The following PPP2R2B variants were observed in gnomAD, a reference collection of about 807,000 sequenced individuals.
The protein encoded by PPP2R2B is serine/threonine-protein phosphatase 2A 55 kDa regulatory subunit B beta isoform.
Under a neutral mutation model 46.0 loss-of-function variants are expected in PPP2R2B, and 5 were observed. The observed-to-expected ratio is 0.11, with a 90% confidence interval of 0.06 to 0.23. The LOEUF (loss-of-function observed/expected upper bound fraction) is 0.23, where lower values mean the gene tolerates loss of function less well. PPP2R2B is among the 10% of genes least tolerant of loss of function. PPP2R2B has a pLI of 1.00. For synonymous variants in PPP2R2B, 215 were observed against 206.7 expected (o/e 1.04, Z -0.34); for missense variants, 367 against 575.0 (o/e 0.64, Z 3.70).
intron 2 of PPP2R2B, among the ~76,000 whole-genome samples, chr5:146,812,578 T>TATATAC (rs1274989920): frequency 4.2e-5 from 1 of 24,020 alleles, no homozygotes; most frequent in African/African-American, 1.3e-4. Flanking sequence ...TATATATATA[T>TATATAC]ATATATATAT....
intron 1 of PPP2R2B, among the ~76,000 whole-genome samples, chr5:146,934,531 A>G (rs2151824475): frequency 6.9e-6 from 1 of 145,834 alleles, no homozygotes; most frequent in African/African-American, 2.5e-5. Context: ...ATGGGGTTGG[A>G]CAAACGGAAG....
rs1770374351 is a variant in PPP2R2B, at chr5:146,589,446, A to AAAT, written c.*498_*500dup. On this transcript the variant is annotated 3_prime_UTR_variant, in exon 10 of 10. Coordinates refer to ENST00000394411, the MANE Select transcript of PPP2R2B (RefSeq NM_181675.4). ...AAAGGAAAATGGAAAATGGAAAAAA[A>AAAT]AATGGTGGAGGGGCAGGAGATACTG... 6.5e-6 allele frequency: 1 copy of AAAT among 153,796 alleles called. No homozygotes were observed. Among genetic ancestry groups the AAAT allele is most frequent in the African/African-American group, 2.4e-5 (1 of 41,478 alleles). The allele number at this position is 153,796 out of a possible 1,614,324, so 9.5% of individuals were successfully genotyped here.
chr5:146,975,306 T>C (rs1352835081), intron 1 of PPP2R2B, among the ~76,000 whole-genome samples: 1 of 152,238 alleles, frequency 6.6e-6, no homozygotes. Context: ...ATTTTCAAGA[T>C]CCATCCATGT....
At chr5:146,734,719 T>A (rs17105319) in intron 2 of PPP2R2B, among the ~76,000 whole-genome samples, 10 of 152,082 alleles carry the variant, frequency 6.6e-5, no homozygotes, top group African/African-American at 2.4e-4. Context: ...TCAAATTGGA[T>A]AAAATCAATG....
At chr5:146,692,888 A>C (rs56361052) in intron 4 of PPP2R2B, among the ~76,000 whole-genome samples, 34,444 of 152,078 alleles carry the variant, frequency 0.23, 4,803 homozygotes, top group African/African-American at 0.4. Context: ...TCTGCTGGCC[A>C]CATGCTTTGG....
intron 2 of PPP2R2B, among the ~76,000 whole-genome samples, chr5:146,852,930 T>G (rs1760437395): frequency 6.6e-6 from 1 of 152,126 alleles, no homozygotes; most frequent in South Asian, 2.1e-4. Context: ...ATTAGAGCTT[T>G]GGATTATCAG....
chr5:146,636,405 T>G (rs416794), intron 7 of PPP2R2B, among the ~76,000 whole-genome samples: 31,447 of 152,050 alleles, frequency 0.21, 4,709 homozygotes, highest in African/African-American at 0.42. Flanking sequence ...TTTATATGGG[T>G]TAAAATGTAA....
In PPP2R2B at chr5:146,839,028, G is replaced by A. The variant is rs377133436; in HGVS notation, c.70+38974C>T. Reference sequence around the variant, plus strand: ...TGATAGGCTGAACACTAGAAAATTCGTCCACATACTGATTTCCAACCTTCC... The same window carrying A: ...TGATAGGCTGAACACTAGAAAATTCATCCACATACTGATTTCCAACCTTCC... On this transcript the variant is annotated intron_variant, in intron 2 of 9. Coordinates refer to ENST00000394411, the MANE Select transcript of PPP2R2B (RefSeq NM_181675.4). 1.8e-4 allele frequency among the ~76,000 whole-genome samples: 27 copies of A among 152,270 alleles called. No homozygotes were observed. In the South Asian group the frequency reaches 1.9e-3, roughly 11 times the overall value.
chr5:146,835,403 G>C (rs912888536), intron 2 of PPP2R2B, among the ~76,000 whole-genome samples: 18 of 152,136 alleles, frequency 1.2e-4, no homozygotes, highest in African/African-American at 4.1e-4. Flanking sequence ...AGGAAGCATA[G>C]AGCCCACTTC....
chr5:146,782,407 A>G (rs1381418545), intron 2 of PPP2R2B, among the ~76,000 whole-genome samples: 1 of 152,112 alleles, frequency 6.6e-6, no homozygotes, highest in Non-Finnish European at 1.5e-5. Flanking sequence ...AATCCAGGAA[A>G]CTCAGCATCT....
At chr5:146,915,808 T>C (rs1763366331) in intron 1 of PPP2R2B, among the ~76,000 whole-genome samples, 2 of 152,180 alleles carry the variant, frequency 1.3e-5, no homozygotes, top group Non-Finnish European at 2.9e-5. Context: ...TGCCTCCTCC[T>C]TGCTAATATT....
chr5:146,606,847 G>C (rs932868985), intron 7 of PPP2R2B: 14 of 152,232 alleles, frequency 9.2e-5, no homozygotes, highest in African/African-American at 3.4e-4. Context: ...GGGCAGATGA[G>C]AGTGAGTGTA....
intron 1 of PPP2R2B, among the ~76,000 whole-genome samples, chr5:147,004,578 A>G (rs890184490): frequency 1.1e-4 from 17 of 152,158 alleles, no homozygotes; most frequent in Non-Finnish European, 2.4e-4. Context: ...CTCTTTTCAC[A>G]TGCCTTTCTT....
intron 1 of PPP2R2B, among the ~76,000 whole-genome samples, chr5:147,002,069 A>G (rs903514565): frequency 6.6e-6 from 1 of 152,092 alleles, no homozygotes; most frequent in Non-Finnish European, 1.5e-5. Flanking sequence ...ATGCCTGTCA[A>G]ACTTCCTCTT....
intron 2 of PPP2R2B, among the ~76,000 whole-genome samples, chr5:146,763,997 G>A (rs1181460309): frequency 1.3e-5 from 2 of 152,104 alleles, no homozygotes; most frequent in African/African-American, 2.4e-5. Flanking sequence ...AAAGTGCTGG[G>A]ATTACAGGTG....
At chr5:146,891,497 T>A (rs1489409464) in intron 1 of PPP2R2B, among the ~76,000 whole-genome samples, 1 of 152,186 alleles carries the variant, frequency 6.6e-6, no homozygotes, top group Non-Finnish European at 1.5e-5. Flanking sequence ...TCTTTTTAAT[T>A]TTTTTTAAGT....
chr5:146,663,755 C>T (rs1776813116), intron 5 of PPP2R2B, among the ~76,000 whole-genome samples: 1 of 152,150 alleles, frequency 6.6e-6, no homozygotes, highest in African/African-American at 2.4e-5. Context: ...ATGGTCTTGA[C>T]TCAATGTTGA....
At chr5:146,700,493 C>A (rs1006556660) in intron 3 of PPP2R2B, among the ~76,000 whole-genome samples, 13 of 152,110 alleles carry the variant, frequency 8.5e-5, no homozygotes, top group African/African-American at 3.1e-4. Flanking sequence ...CTATATGTAG[C>A]ACTCAGCTCC....
chr5:146,912,238 C>CAAAAAAAAAA (rs35127306), intron 1 of PPP2R2B, among the ~76,000 whole-genome samples: 1 of 56,596 alleles, frequency 1.8e-5, no homozygotes, highest in African/African-American at 6.8e-5. Context: ...GGCTCCGTCT[C>CAAAAAAAAAA]AAAAAAAAAA....
Sources: gnomAD v4.1 joint callset for allele counts (sites outside exome capture counted in the v4.1 genomes callset) on GRCh38, gnomAD v4.1.1 for gene constraint, MANE v1.5 for transcripts, NCBI Gene and HGNC (gene_info 2026-07-23, HGNC 2026-07-21) for gene names.